Variants in DNER observed in about 807,000 individuals in gnomAD.
DNER encodes delta and Notch-like epidermal growth factor-related receptor.
Under a neutral mutation model 78.2 loss-of-function variants are expected in DNER, and 33 were observed. The observed-to-expected ratio is 0.42, with a 90% CI of 0.32 to 0.56. DNER has a LOEUF of 0.56. Among genes scored for constraint, DNER ranks in the 20% least tolerant of loss-of-function variants. The pLI is 0.11. For missense variants in DNER, 918 were observed against 975.3 expected, an observed-to-expected ratio of 0.94 and a Z score of 0.78; for synonymous variants, 417 against 384.8, an observed-to-expected ratio of 1.08 and a Z score of -0.98.
chr2:229,444,913 G>A (rs774140174), intron 8 of DNER, among the ~76,000 whole-genome samples: 7 of 152,114 alleles, frequency 4.6e-5, no homozygotes, highest in African/African-American at 7.2e-5. Context: ...AGAAGTCAGA[G>A]GAGAAAGGGA....
chr2:229,614,372 C>A (rs1323686331), intron 1 of DNER, among the ~76,000 whole-genome samples: 3 of 152,064 alleles, frequency 2.0e-5, no homozygotes, highest in Non-Finnish European at 4.4e-5. Context: ...AATTCAAGAT[C>A]CATCAGAAAA....
At chr2:229,527,828 A>G (rs1294913014) in intron 5 of DNER, among the ~76,000 whole-genome samples, 1 of 152,016 alleles carries the variant, frequency 6.6e-6, no homozygotes, top group Non-Finnish European at 1.5e-5. Context: ...TGGGATGGGG[A>G]ATGATTATGT....
At chr2:229,528,515 G>T (rs144076406) in intron 5 of DNER, among the ~76,000 whole-genome samples, 5 of 152,246 alleles carry the variant, frequency 3.3e-5, no homozygotes, top group African/African-American at 7.2e-5. Context: ...GGATACCAAG[G>T]CTCTTGGGAA....
intron 6 of DNER, among the ~76,000 whole-genome samples, chr2:229,501,788 G>A (rs918692294): frequency 1.3e-5 from 2 of 152,086 alleles, no homozygotes; most frequent in Non-Finnish European, 2.9e-5. Flanking sequence ...GTGTTTCGGA[G>A]GTTAATTAAT....
At chr2:229,570,362 G>A (rs573568132) in intron 4 of DNER, among the ~76,000 whole-genome samples, 1 of 152,186 alleles carries the variant, frequency 6.6e-6, no homozygotes, top group South Asian at 2.1e-4. Context: ...GCCAGGTGTG[G>A]TGGCTTACGC....
At chr2:229,566,506 G>A (rs1040935321) in intron 4 of DNER, among the ~76,000 whole-genome samples, 11 of 152,166 alleles carry the variant, frequency 7.2e-5, no homozygotes, top group African/African-American at 2.7e-4. Flanking sequence ...AACTGTAGAT[G>A]TATGGGAAGG....
At chr2:229,438,692 A>G (rs1559351901) in intron 8 of DNER, among the ~76,000 whole-genome samples, 1 of 152,170 alleles carries the variant, frequency 6.6e-6, no homozygotes, top group African/African-American at 2.4e-5. Context: ...TTAATATATT[A>G]ATTTGAAGTG....
At chr2:229,687,545 C>T (rs372340981) in intron 1 of DNER, among the ~76,000 whole-genome samples, 6 of 152,142 alleles carry the variant, frequency 3.9e-5, no homozygotes, top group East Asian at 1.9e-4. Context: ...GGATTACAGA[C>T]GTGAGCAACC....
chr2:229,708,190 G>A lies in DNER; in HGVS notation c.276+5958C>T, dbSNP rs115248585. 7.7e-3 allele frequency among the ~76,000 whole-genome samples: 1,177 copies of A among 152,292 alleles called. 13 individuals are homozygous for A. The highest frequency in any genetic ancestry group is 0.026 in the African/African-American group (1,067 of 41,544). On this transcript the variant is annotated intron_variant, in intron 1 of 12. Coordinates refer to ENST00000341772, the MANE Select transcript of DNER (RefSeq NM_139072.4). ...AGTGACCAAAGCAGGTGCAACTGTC[G>A]TTTTTCTCTGCCACATGCTATACAC...
chr2:229,569,195 A>T (rs13420692), intron 4 of DNER, among the ~76,000 whole-genome samples: 4,645 of 152,038 alleles, frequency 0.031, 259 homozygotes, highest in African/African-American at 0.11. Flanking sequence ...CGTTCCAGGA[A>T]CCCCCACAGA....
chr2:229,384,328 C>A (rs1043265471), intron 11 of DNER, among the ~76,000 whole-genome samples: 1 of 152,094 alleles, frequency 6.6e-6, no homozygotes, highest in Admixed American at 6.5e-5. Flanking sequence ...AAAATCGATA[C>A]CCTAACATCA....
At position 229,506,594 on chromosome 2, in the gene DNER, T is replaced by C. The variant is rs534310218; in HGVS notation, c.1147+6189A>G. The stretch of plus-strand genomic sequence containing the variant: ...TGCAGGTTAGTTACATATGTGTACA[T>C]GTGCCATGTTGGTGTGCTGTACCCA... On this transcript the variant is annotated intron_variant, in intron 6 of 12. Coordinates refer to ENST00000341772, the MANE Select transcript of DNER (RefSeq NM_139072.4). 3.6e-4 allele frequency among the ~76,000 whole-genome samples: 54 copies of C among 151,584 alleles called. No individual in the cohort carries two copies. In the East Asian group the frequency reaches 0.01, roughly 29 times the overall value.
Position 229,388,392 on chromosome 2 carries a change from T to G in DNER, c.1728A>C (p.Glu576Asp), listed in dbSNP as rs756959616. ...TCICAPGFTG[E>D]ECDIDINECD... ...ATTCATTTATGTCAATGTCGCACTC[T>G]TCACCTAGGGAGATAAGAAAAAGCA... The change falls in exon 11 of 13, where the codon GAA (glutamate) becomes GAC (aspartate). Residue 576 changes from glutamate to aspartate, a missense_variant. Transcript: ENST00000341772. 5.0e-6 allele frequency: 8 copies of G among 1,608,086 alleles called. No individual in the cohort carries two copies. Among genetic ancestry groups the G allele is most frequent in the East Asian group, 2.3e-5 (1 of 44,396 alleles).
intron 6 of DNER, among the ~76,000 whole-genome samples, chr2:229,493,640 G>A (rs1188211218): frequency 6.7e-6 from 1 of 148,820 alleles, no homozygotes; most frequent in East Asian, 2.0e-4. Flanking sequence ...GGCTCATATA[G>A]AATTGTATCT....
At chr2:229,649,565 T>C (rs1698775432) in intron 1 of DNER, among the ~76,000 whole-genome samples, 1 of 152,204 alleles carries the variant, frequency 6.6e-6, no homozygotes, top group Admixed American at 6.5e-5. Context: ...GCACAACTCT[T>C]GCAAGCCAGT....
chr2:229,543,489 C>A (rs935648485), intron 5 of DNER, among the ~76,000 whole-genome samples: 5 of 152,210 alleles, frequency 3.3e-5, no homozygotes, highest in Admixed American at 6.5e-5. Flanking sequence ...TAAAAGAAAG[C>A]TCACAATGAA....
intron 4 of DNER, among the ~76,000 whole-genome samples, chr2:229,565,310 C>G (rs771567435): frequency 1.3e-5 from 2 of 152,174 alleles, no homozygotes; most frequent in African/African-American, 4.8e-5. Context: ...ATGATTGCTA[C>G]TCTTTAAAAA....
chr2:229,496,417 G>A (rs1695503050), intron 6 of DNER, among the ~76,000 whole-genome samples: 1 of 152,078 alleles, frequency 6.6e-6, no homozygotes, highest in African/African-American at 2.4e-5. Context: ...AACTAAAAGA[G>A]AAACTATAAA....
At chr2:229,585,831 G>A (rs1697484977) in intron 4 of DNER, 27 bp downstream of exon 4, 1 of 1,613,288 alleles carries the variant, frequency 6.2e-7, no homozygotes, top group African/African-American at 1.3e-5. Context: ...CAGATGCAGT[G>A]TTGAGTAGAA....
Sources: gnomAD v4.1 joint callset for allele counts (sites outside exome capture counted in the v4.1 genomes callset) on GRCh38, gnomAD v4.1.1 for gene constraint, MANE v1.5 for transcripts, NCBI Gene and HGNC (gene_info 2026-07-23, HGNC 2026-07-21) for gene names.